The following SIAE variants were observed in gnomAD, a reference collection of about 807,000 sequenced individuals.
SIAE encodes sialic acid acetylesterase.
SIAE carries 39 observed loss-of-function variants against 52.6 expected under a neutral mutation model. The observed-to-expected ratio is 0.74, with a 90% CI of 0.57 to 0.97. The LOEUF (loss-of-function observed/expected upper bound fraction) is 0.97. Among genes scored for constraint, SIAE ranks in the 50% least tolerant of loss-of-function variants. The pLI, the probability that SIAE is intolerant of heterozygous loss-of-function variation, is 0.00. For missense variants in SIAE, 592 were observed against 662.1 expected (o/e 0.89, Z 1.16); for synonymous variants, 233 against 241.4 (o/e 0.97, Z 0.32).
chr11:124,650,261 C>G (rs530970050), intron 4 of SIAE, among the ~76,000 whole-genome samples: 3 of 152,240 alleles, frequency 2.0e-5, no homozygotes, highest in African/African-American at 4.8e-5. Context: ...CCATCACTTA[C>G]AGGATCTGCA....
chr11:124,648,259 C>T (rs1182926216), intron 5 of SIAE, 84 bp from the exon 6 acceptor site: 13 of 966,542 alleles, frequency 1.3e-5, no homozygotes, highest in Non-Finnish European at 1.8e-5. Flanking sequence ...TATCCACTTT[C>T]ACTTGTGGTA....
At chr11:124,641,959 C>CAAA (rs11327177) in intron 7 of SIAE, among the ~76,000 whole-genome samples, 13 of 38,922 alleles carry the variant, frequency 3.3e-4, no homozygotes, top group Non-Finnish European at 7.4e-4. Context: ...GACTCCATCT[C>CAAA]AAAAAAAAAA....
chr11:124,668,440 C>T (rs115833599), intron 2 of SIAE, among the ~76,000 whole-genome samples: 39 of 152,328 alleles, frequency 2.6e-4, no homozygotes, highest in Middle Eastern at 3.4e-3. Context: ...ATCACTGTAT[C>T]ACCAGTACCT....
chr11:124,655,825 AT>A (rs1332159121), intron 3 of SIAE, among the ~76,000 whole-genome samples: 1 of 152,170 alleles, frequency 6.6e-6, no homozygotes, highest in Non-Finnish European at 1.5e-5. Context: ...TATATTACTT[AT>A]ACCTAATGCA....
At chr11:124,647,952 G>A (rs1942964427) in intron 6 of SIAE, 114 bp downstream of exon 6, 14 of 858,174 alleles carry the variant, frequency 1.6e-5, no homozygotes, top group African/African-American at 3.3e-5. Context: ...ACAGAACAGT[G>A]AGCTGAATAA....
Position 124,636,913 on chromosome 11 carries a change from C to A in SIAE, c.*38G>T. ...CTCCTAAATGCTAAAATCTGAAGGA[C>A]CCATCCTTATATCTAAGTTCTGATC... is the stretch of plus-strand genomic sequence containing the variant. On this transcript the variant is annotated 3_prime_UTR_variant, in exon 10 of 10. Transcript: ENST00000263593. 1 of 1,613,728 alleles carries A rather than the reference C, an allele frequency of 6.2e-7. No individual in the cohort carries two copies. The highest frequency in any genetic ancestry group is 8.5e-7 in the Non-Finnish European group (1 of 1,179,888).
chr11:124,639,876 C>G lies in SIAE; in HGVS notation c.967-9G>C. On this transcript the variant is annotated splice_polypyrimidine_tract_variant and intron_variant, in intron 7 of 9. Transcript: ENST00000263593. Reference sequence around the variant, plus strand: ...GACAAATCTGAAGATAACTAGAAAGCAGAGACATTGCTAATTTTATTGTAT... The same window carrying G: ...GACAAATCTGAAGATAACTAGAAAGGAGAGACATTGCTAATTTTATTGTAT... 6.2e-7 allele frequency: 1 copy of G among 1,613,844 alleles called. No individual in the cohort carries two copies. Among genetic ancestry groups the G allele is most frequent in the Non-Finnish European group, 8.5e-7 (1 of 1,180,006 alleles).
chr11:124,673,682 C>A lies in SIAE; in HGVS notation c.27G>T (p.Gly9=). 6.2e-7 allele frequency: 1 copy of A among 1,613,614 alleles called. No individual in the cohort carries two copies. Among genetic ancestry groups the A allele is most frequent in the Non-Finnish European group, 8.5e-7 (1 of 1,179,806 alleles). Reference sequence around the variant, plus strand: ...CCCACAGGATTAATGGCAGCACCAGCCCGAGTACAAGCCCCGGCGCGACCA... The same window carrying A: ...CCCACAGGATTAATGGCAGCACCAGACCGAGTACAAGCCCCGGCGCGACCA... MVAPGLVL[G]LVLPLILWAD... The change falls in exon 1 of 10, where the codon GGG becomes GGT. Residue 9 remains glycine, a synonymous_variant. Transcript: ENST00000263593.
chr11:124,664,880 C>T (rs949638867), intron 2 of SIAE, among the ~76,000 whole-genome samples: 1 of 139,518 alleles, frequency 7.2e-6, no homozygotes, highest in African/African-American at 2.7e-5. Context: ...TTCACTTCCC[C>T]CCCACCCCCA....
intron 2 of SIAE, among the ~76,000 whole-genome samples, chr11:124,666,615 A>G (rs1040897648): frequency 6.6e-6 from 1 of 152,208 alleles, no homozygotes; most frequent in East Asian, 1.9e-4. Context: ...GAATCACTCA[A>G]TTCTCTTAAG....
chr11:124,637,802 A>C (rs879862009), intron 9 of SIAE, among the ~76,000 whole-genome samples: 1 of 152,194 alleles, frequency 6.6e-6, no homozygotes, highest in Non-Finnish European at 1.5e-5. Context: ...AGGCAGGTGG[A>C]TACCGTAGTT....
rs1942665457 is a variant in SIAE at position 124,633,973 on chromosome 11, A to G, written c.*2978T>C. 6.6e-6 allele frequency: 1 copy of G among 152,254 alleles called. No homozygotes were observed. The highest frequency in any genetic ancestry group is 1.5e-5 in the Non-Finnish European group (1 of 68,042). The allele number at this position is 152,254 out of a possible 1,614,324, so 9.4% of individuals were successfully genotyped here. On this transcript the variant is annotated 3_prime_UTR_variant, in exon 10 of 10. Transcript: ENST00000263593. Reference sequence around the variant, plus strand: ...TCAGCTATAATGCATATACAACTATAGTGTGTACGTATACCACATATACAT... The same window carrying G: ...TCAGCTATAATGCATATACAACTATGGTGTGTACGTATACCACATATACAT...
chr11:124,653,900 C>T (rs1943054473), intron 4 of SIAE, among the ~76,000 whole-genome samples: 1 of 152,112 alleles, frequency 6.6e-6, no homozygotes, highest in African/African-American at 2.4e-5. Flanking sequence ...GGAGAGTGGC[C>T]GGGTGCAGTG....
At chr11:124,665,274 C>T (rs77088409) in intron 2 of SIAE, among the ~76,000 whole-genome samples, 2,332 of 152,280 alleles carry the variant, frequency 0.015, 61 homozygotes, top group African/African-American at 0.052. Flanking sequence ...TGGGATTTTG[C>T]AGTTGTGATT....
chr11:124,675,213 A>G (rs2134403632), upstream of SIAE: 1 of 1,575,642 alleles, frequency 6.3e-7, no homozygotes, highest in Non-Finnish European at 8.6e-7. Context: ...AAATTTAAAG[A>G]CAGTACTCTT....
chr11:124,654,213 T>G, intron 4 of SIAE: 1 of 984,502 alleles, frequency 1.0e-6, no homozygotes, highest in East Asian at 1.1e-4. Flanking sequence ...AATGGAGAGC[T>G]CATGCTGAAT....
At chr11:124,660,244 T>C (rs762321932) in intron 3 of SIAE, 289 of 307,320 alleles carry the variant, frequency 9.4e-4, no homozygotes, top group Middle Eastern at 6.0e-3. Context: ...GAGCTGAGAT[T>C]GCACCATTGC....
rs113324576 is a variant in SIAE, at chr11:124,656,601, A to G, written c.406-1808T>C. The stretch of plus-strand genomic sequence containing the variant: ...TTCTTTGTTAGTCCAGTAAAGCATC[A>G]TTCCTCTATGAACTTATGCACAAGT... On this transcript the variant is annotated intron_variant, in intron 3 of 9. Coordinates refer to ENST00000263593, the MANE Select transcript of SIAE (RefSeq NM_170601.5). Among the ~76,000 whole-genome samples, 286 of 152,368 alleles carry G rather than the reference A, an allele frequency of 1.9e-3. 1 individual carries two copies. The highest frequency in any genetic ancestry group is 4.9e-3 in the African/African-American group (203 of 41,594).
At chr11:124,657,365 C>G (rs1943117703) in intron 3 of SIAE, among the ~76,000 whole-genome samples, 1 of 152,232 alleles carries the variant, frequency 6.6e-6, no homozygotes, top group Non-Finnish European at 1.5e-5. Context: ...GAATTCAGTT[C>G]TGCACTAAGC....
Sources: allele counts gnomAD v4.1 joint callset (sites outside exome capture counted in the v4.1 genomes callset), GRCh38; gene constraint gnomAD v4.1.1; transcripts MANE v1.5; gene names NCBI Gene and HGNC (gene_info 2026-07-23, HGNC 2026-07-21).